Variants in CACNA1E observed in about 807,000 individuals in gnomAD.
CACNA1E encodes the protein voltage-dependent R-type calcium channel subunit alpha-1E.
Under a neutral mutation model 259.2 loss-of-function variants are expected in CACNA1E, and 40 were observed. The observed-to-expected ratio is 0.15, with a 90% confidence interval of 0.12 to 0.20. CACNA1E has a LOEUF of 0.20. Ranked by LOEUF, CACNA1E falls within the 10% of genes least tolerant of loss-of-function variation. CACNA1E has a pLI of 1.00. For synonymous variants in CACNA1E, 1,104 were observed against 1,138.5 expected, an observed-to-expected ratio of 0.97 and a Z score of 0.61; for missense variants, 1,874 against 3,040.1, an observed-to-expected ratio of 0.62 and a Z score of 9.02.
chr1:181,573,742 G>GA (rs1650655320), intron 3 of CACNA1E, among the ~76,000 whole-genome samples: 1 of 152,210 alleles, frequency 6.6e-6, no homozygotes, highest in East Asian at 1.9e-4. Flanking sequence ...CCTAGAACCA[G>GA]AAATACCATT....
intron 2 of CACNA1E, among the ~76,000 whole-genome samples, chr1:181,448,355 T>C (rs1660927761): frequency 6.6e-6 from 1 of 152,228 alleles, no homozygotes; most frequent in Admixed American, 6.5e-5. Flanking sequence ...TGTTTGATGA[T>C]GAGTTAACTG....
intron 8 of CACNA1E, among the ~76,000 whole-genome samples, chr1:181,711,436 C>T (rs1653353260): frequency 6.6e-6 from 1 of 152,224 alleles, no homozygotes; most frequent in Admixed American, 6.5e-5. Context: ...GTGCCAGACC[C>T]TGTTCTAAGC....
chr1:181,570,480 C>G (rs1650300889), intron 3 of CACNA1E, among the ~76,000 whole-genome samples: 1 of 152,172 alleles, frequency 6.6e-6, no homozygotes, highest in Admixed American at 6.5e-5. Context: ...AACAAATGAC[C>G]ACAAATTTGG....
chr1:181,420,224 AT>A (rs576694985), intron 2 of CACNA1E, among the ~76,000 whole-genome samples: 158 of 148,138 alleles, frequency 1.1e-3, no homozygotes, highest in Middle Eastern at 0.011. Context: ...GGTCTCCTGC[AT>A]TTTTTTTTTG....
rs555831420 is a variant in CACNA1E, at chr1:181,554,501, T to TA, written c.513-23258dup. Among the ~76,000 whole-genome samples the TA allele has an allele frequency of 1.6e-3, 237 of 152,216 alleles. 1 individual carries two copies. The highest frequency in any genetic ancestry group is 2.4e-3 in the Non-Finnish European group (161 of 67,998). On this transcript the variant is annotated intron_variant, in intron 3 of 47. Transcript: ENST00000367573. ...AGTCTGTTTGTCCAATAACCCTGTT[T>TA]AAAAAAAGAAACAAGATTAGCTTGG...
intron 1 of CACNA1E, among the ~76,000 whole-genome samples, chr1:181,381,328 T>G (rs1212396151): frequency 6.6e-6 from 1 of 152,170 alleles, no homozygotes; most frequent in Non-Finnish European, 1.5e-5. Context: ...TAAAAAGGGA[T>G]GAACTATTGA....
intron 6 of CACNA1E, among the ~76,000 whole-genome samples, chr1:181,615,983 T>G (rs1275401586): frequency 6.6e-6 from 1 of 152,250 alleles, no homozygotes; most frequent in Non-Finnish European, 1.5e-5. Flanking sequence ...CTGCAGCTAT[T>G]GCACTGATCA....
intron 7 of CACNA1E, among the ~76,000 whole-genome samples, chr1:181,703,300 A>T (rs1008793412): frequency 1.3e-4 from 20 of 152,228 alleles, no homozygotes; most frequent in African/African-American, 4.6e-4. Flanking sequence ...CTATCATTTA[A>T]TCCTCACAAC....
chr1:181,373,760 T>C (rs550151092), intron 1 of CACNA1E, among the ~76,000 whole-genome samples: 14 of 152,162 alleles, frequency 9.2e-5, no homozygotes, highest in Admixed American at 4.6e-4. Context: ...CTCCTGACCT[T>C]GTGATCCGCC....
At chr1:181,505,818 A>C (rs937537329) in intron 1 of CACNA1E, among the ~76,000 whole-genome samples, 8 of 152,016 alleles carry the variant, frequency 5.3e-5, no homozygotes, top group Non-Finnish European at 1.0e-4. Flanking sequence ...ACCTTTTGTA[A>C]GGATACCTCT....
chr1:181,368,152 C>G lies in CACNA1E; in HGVS notation c.-14-44981C>G, dbSNP rs148164514. Among the ~76,000 whole-genome samples, 1,202 of 152,106 alleles carry G rather than the reference C, an allele frequency of 7.9e-3. 8 individuals are homozygous for G. Among genetic ancestry groups the G allele is most frequent in the Non-Finnish European group, 0.012 (847 of 68,008 alleles). ...AGCTAAGGCATGAAAATCGCTTGAG[C>G]CTGGGAGGCTGAGGTTGCGGTGAGC... On this transcript the variant is annotated intron_variant, in intron 1 of 11. Coordinates refer to the CACNA1E transcript ENST00000524607.
At chr1:181,595,994 A>G (rs1653119462) in intron 6 of CACNA1E, among the ~76,000 whole-genome samples, 2 of 152,204 alleles carry the variant, frequency 1.3e-5, no homozygotes, top group African/African-American at 4.8e-5. Flanking sequence ...CATTTGTCTT[A>G]CGACTTCCAT....
intron 2 of CACNA1E, among the ~76,000 whole-genome samples, chr1:181,427,932 T>G (rs1217002384): frequency 6.6e-6 from 1 of 152,146 alleles, no homozygotes; most frequent in African/African-American, 2.4e-5. Context: ...TGGAAAGATG[T>G]CCATAACATC....
chr1:181,592,941 A>G (rs1023392494), intron 6 of CACNA1E, among the ~76,000 whole-genome samples: 1 of 152,114 alleles, frequency 6.6e-6, no homozygotes, highest in Non-Finnish European at 1.5e-5. Context: ...CACTGGGGAT[A>G]GGGGAACAGT....
In CACNA1E at chr1:181,337,300, C is replaced by T. The variant is rs543605600; in HGVS notation, c.-15+19177C>T. Among the ~76,000 whole-genome samples the T allele has an allele frequency of 4.0e-5, 6 of 151,024 alleles. No individual in the cohort carries two copies. In the South Asian group the frequency reaches 1.0e-3, roughly 26 times the overall value. ...CCTCCCGAGTAGCTGGGCCTACAGG[C>T]GCCCGCCACCACGCCTGGCTAATTT... On this transcript the variant is annotated intron_variant, in intron 1 of 11. Coordinates refer to the CACNA1E transcript ENST00000524607.
At chr1:181,407,355 A>G (rs1005076722) in intron 1 of CACNA1E, among the ~76,000 whole-genome samples, 1 of 152,192 alleles carries the variant, frequency 6.6e-6, no homozygotes, top group East Asian at 1.9e-4. Context: ...ACACTGTTCT[A>G]GTGGCTTTTA....
At chr1:181,427,265 C>T (rs557838184) in intron 2 of CACNA1E, among the ~76,000 whole-genome samples, 2 of 150,896 alleles carry the variant, frequency 1.3e-5, no homozygotes, top group Admixed American at 6.6e-5. Flanking sequence ...CCCATCTCAA[C>T]CTCTGCCCCA....
At chr1:181,371,090 C>G (rs781068607) in intron 1 of CACNA1E, among the ~76,000 whole-genome samples, 20 of 152,058 alleles carry the variant, frequency 1.3e-4, no homozygotes, top group Non-Finnish European at 2.1e-4. Context: ...AGTGTCTGTT[C>G]ATGTCCTTTG....
intron 6 of CACNA1E, among the ~76,000 whole-genome samples, chr1:181,583,414 C>T (rs1200951568): frequency 6.6e-6 from 1 of 152,162 alleles, no homozygotes; most frequent in Non-Finnish European, 1.5e-5. Flanking sequence ...TCCCCTATTT[C>T]CCAGCCCTAT....
Sources: gnomAD v4.1 joint callset for allele counts (sites outside exome capture counted in the v4.1 genomes callset) on GRCh38, gnomAD v4.1.1 for gene constraint, MANE v1.5 for transcripts, NCBI Gene and HGNC (gene_info 2026-07-23, HGNC 2026-07-21) for gene names.